CSMD1: variants seen among roughly 807,000 people sequenced by gnomAD.
CSMD1 encodes the protein CUB and sushi domain-containing protein 1.
A neutral mutation model predicts 417.5 loss-of-function variants in CSMD1; 213 were observed. The ratio of observed to expected loss-of-function variants is 0.51; its 90% CI spans 0.46 to 0.57. The LOEUF is 0.57. CSMD1 is among the 20% of genes least tolerant of loss of function. The pLI is 0.00. For missense variants in CSMD1, 6,923 were observed against 4,529.7 expected (o/e 1.53, Z -15.17); for synonymous variants, 2,862 against 1,736.8 (o/e 1.65, Z -16.11).
chr8:4,476,253 T>A (rs191064959), intron 2 of CSMD1, among the ~76,000 whole-genome samples: 1 of 152,172 alleles, frequency 6.6e-6, no homozygotes, highest in Non-Finnish European at 1.5e-5. Flanking sequence ...GAAGATATTA[T>A]ACTTTTTATT....
chr8:4,405,216 C>G (rs745662433), intron 3 of CSMD1, among the ~76,000 whole-genome samples: 38 of 152,140 alleles, frequency 2.5e-4, no homozygotes, highest in Non-Finnish European at 7.3e-5. Context: ...AGGAGACTAA[C>G]CCGTGGTTTT....
chr8:4,072,116 A>T (rs955344045), intron 3 of CSMD1, among the ~76,000 whole-genome samples: 1 of 152,220 alleles, frequency 6.6e-6, no homozygotes, highest in South Asian at 2.1e-4. Context: ...GATTCGCTAT[A>T]GGCTGTTCAA....
chr8:4,007,126 C>A (rs965493566), intron 4 of CSMD1, among the ~76,000 whole-genome samples: 1 of 152,082 alleles, frequency 6.6e-6, no homozygotes, highest in Non-Finnish European at 1.5e-5. Context: ...GTGTCAGCCA[C>A]CGAGCCTGGC....
intron 11 of CSMD1, among the ~76,000 whole-genome samples, chr8:3,485,602 G>A (rs1437627679): frequency 6.7e-6 from 1 of 148,302 alleles, no homozygotes; most frequent in East Asian, 2.0e-4. Flanking sequence ...AATAAAACAG[G>A]AAATTAAATG....
chr8:3,814,840 G>A (rs763008766), intron 5 of CSMD1, among the ~76,000 whole-genome samples: 8 of 151,904 alleles, frequency 5.3e-5, no homozygotes, highest in Admixed American at 2.0e-4. Flanking sequence ...ATGAAGAAGC[G>A]GACTCCTTCA....
intron 1 of CSMD1, among the ~76,000 whole-genome samples, chr8:4,966,771 T>C (rs1264672061): frequency 6.6e-6 from 1 of 152,238 alleles, no homozygotes; most frequent in African/African-American, 2.4e-5. Flanking sequence ...TAATTTAAAA[T>C]AACTCAGATA....
intron 1 of CSMD1, among the ~76,000 whole-genome samples, chr8:4,864,897 A>AACAC (rs759168576): frequency 2.0e-5 from 1 of 50,402 alleles, no homozygotes; most frequent in African/African-American, 4.6e-5. Flanking sequence ...CACACACACA[A>AACAC]ACACACACAC....
intron 5 of CSMD1, among the ~76,000 whole-genome samples, chr8:3,804,525 G>C (rs556564806): frequency 6.6e-6 from 1 of 152,128 alleles, no homozygotes; most frequent in African/African-American, 2.4e-5. Context: ...AAACATTTAC[G>C]CATCATGTTG....
At chr8:4,875,104 G>C (rs1585247136) in intron 1 of CSMD1, among the ~76,000 whole-genome samples, 1 of 150,704 alleles carries the variant, frequency 6.6e-6, no homozygotes, top group African/African-American at 2.5e-5. Flanking sequence ...TTGGAATTCA[G>C]AGTAAATACA....
intron 5 of CSMD1, among the ~76,000 whole-genome samples, chr8:3,774,896 G>A (rs1421156779): frequency 6.6e-6 from 1 of 152,116 alleles, no homozygotes; most frequent in Non-Finnish European, 1.5e-5. Flanking sequence ...TGTACACAAT[G>A]TCTTTTCAAT....
intron 6 of CSMD1, among the ~76,000 whole-genome samples, chr8:3,711,783 G>T (rs1052960956): frequency 6.6e-6 from 1 of 152,140 alleles, no homozygotes; most frequent in Non-Finnish European, 1.5e-5. Flanking sequence ...ACTTTATCTT[G>T]AAGTTACTCA....
At chr8:2,979,368 G>A (rs1373896459) in intron 54 of CSMD1, among the ~76,000 whole-genome samples, 1 of 152,250 alleles carries the variant, frequency 6.6e-6, no homozygotes, top group African/African-American at 2.4e-5. Flanking sequence ...TTTAGAAACA[G>A]GTCCGTGGTG....
intron 3 of CSMD1, among the ~76,000 whole-genome samples, chr8:4,396,943 G>T (rs775543996): frequency 6.6e-6 from 1 of 151,984 alleles, no homozygotes; most frequent in African/African-American, 2.4e-5. Flanking sequence ...CACTGCCTGG[G>T]TGATGAGTGC....
At chr8:4,736,179 T>A (rs2116980472) in intron 1 of CSMD1, among the ~76,000 whole-genome samples, 1 of 152,290 alleles carries the variant, frequency 6.6e-6, no homozygotes, top group Non-Finnish European at 1.5e-5. Context: ...TATTAACTTC[T>A]TCTCTATGTT....
chr8:4,055,529 T>C (rs1798646285), intron 3 of CSMD1, among the ~76,000 whole-genome samples: 3 of 141,154 alleles, frequency 2.1e-5, no homozygotes, highest in South Asian at 2.2e-4. Flanking sequence ...TCAAATTTAA[T>C]AATGTCAAGA....
intron 5 of CSMD1, among the ~76,000 whole-genome samples, chr8:3,894,894 T>G (rs781457981): frequency 2.0e-5 from 3 of 152,182 alleles, no homozygotes; most frequent in Non-Finnish European, 4.4e-5. Context: ...TCCTATAAAA[T>G]TACAGTGGGT....
chr8:4,791,696 G>T (rs1025245184), intron 1 of CSMD1, among the ~76,000 whole-genome samples: 1 of 152,140 alleles, frequency 6.6e-6, no homozygotes, highest in Non-Finnish European at 1.5e-5. Flanking sequence ...CCAGGATCTG[G>T]TACCATTGTG....
At chr8:4,864,193 C>G (rs116932007) in intron 1 of CSMD1, among the ~76,000 whole-genome samples, 106 of 151,836 alleles carry the variant, frequency 7.0e-4, no homozygotes, top group Admixed American at 2.7e-3. Context: ...TGAAGTACAA[C>G]CAAAACAGAC....
intron 5 of CSMD1, among the ~76,000 whole-genome samples, chr8:3,793,946 G>A (rs774702437): frequency 6.6e-6 from 1 of 152,130 alleles, no homozygotes; most frequent in Non-Finnish European, 1.5e-5. Context: ...CCAGAGCTGG[G>A]TAAATGCTGC....
Sources: allele counts gnomAD v4.1 joint callset (sites outside exome capture counted in the v4.1 genomes callset), GRCh38; gene constraint gnomAD v4.1.1; transcripts MANE v1.5; gene names NCBI Gene and HGNC (gene_info 2026-07-23, HGNC 2026-07-21).